CACTIN: variants seen among roughly 807,000 people sequenced by gnomAD.
CACTIN encodes cactin, spliceosome C complex subunit.
A neutral mutation model predicts 84.9 loss-of-function variants in CACTIN; 20 were observed. The observed-to-expected ratio is 0.24, with a 90% CI of 0.17 to 0.34. The LOEUF (loss-of-function observed/expected upper bound fraction) is 0.34, where lower values mean the gene tolerates loss of function less well. CACTIN is among the 10% of genes least tolerant of loss of function. CACTIN has a pLI of 1.00. For synonymous variants in CACTIN, 549 were observed against 467.9 expected, an observed-to-expected ratio of 1.17 and a Z score of -2.24; for missense variants, 897 against 1,117.2, an observed-to-expected ratio of 0.80 and a Z score of 2.81.
intron 2 of CACTIN, among the ~76,000 whole-genome samples, chr19:3,623,391 T>C (rs1234689549): frequency 3.3e-5 from 5 of 151,154 alleles, no homozygotes; most frequent in African/African-American, 1.2e-4. Flanking sequence ...TAGCCGGGCG[T>C]GGTAGCGGGC....
chr19:3,616,620 A>T (rs754274071), intron 6 of CACTIN: 3 of 152,196 alleles, frequency 2.0e-5, no homozygotes, highest in Middle Eastern at 3.4e-3. Flanking sequence ...AAAACAAAAA[A>T]ACTTATTCAT....
At chr19:3,619,446 GCAGA>G (rs2033177544) in intron 4 of CACTIN, among the ~76,000 whole-genome samples, 1 of 152,228 alleles carries the variant, frequency 6.6e-6, no homozygotes, top group Admixed American at 6.5e-5. Context: ...GGCCAGCAGT[GCAGA>G]CAAAGTGCAA....
At chr19:3,625,771 G>T (rs965175274) in intron 1 of CACTIN, among the ~76,000 whole-genome samples, 6 of 152,316 alleles carry the variant, frequency 3.9e-5, no homozygotes, top group African/African-American at 1.4e-4. Context: ...AGTGAACTTG[G>T]CCCAGAGCGG....
In CACTIN at chr19:3,613,583, C is replaced by G; in HGVS notation, c.1359G>C (p.Leu453=). Residue 453 remains leucine, a synonymous_variant, in exon 8 of 10, where the codon CTG becomes CTC. Transcript: ENST00000429344. ...GCAGCACGTCCTGGTGGCGCTCACG[C>G]AGCCTGGGACGCAGAGCCGGGGTCA... ...QLRAHMARAR[L]RERHQDVLRQ... 1 of 1,600,332 alleles carries G rather than the reference C, an allele frequency of 6.2e-7. No homozygotes were observed. Among genetic ancestry groups the G allele is most frequent in the Non-Finnish European group, 8.5e-7 (1 of 1,178,546 alleles).
At chr19:3,625,381 T>A (rs1176786226) in intron 1 of CACTIN, among the ~76,000 whole-genome samples, 1 of 152,212 alleles carries the variant, frequency 6.6e-6, no homozygotes, top group African/African-American at 2.4e-5. Flanking sequence ...GGCAAATTAT[T>A]GTGAATAATT....
At chr19:3,622,949 C>A (rs1366542258) in intron 2 of CACTIN, among the ~76,000 whole-genome samples, 2 of 152,140 alleles carry the variant, frequency 1.3e-5, no homozygotes, top group African/African-American at 2.4e-5. Flanking sequence ...AAGAAAATGA[C>A]GGTGGGCTGG....
chr19:3,612,756 T>G (rs1160972105), intron 9 of CACTIN: 1 of 697,638 alleles, frequency 1.4e-6, no homozygotes, highest in Admixed American at 2.0e-5. Context: ...AGGGGTTTTC[T>G]GAAGCCAGTA....
rs1193714427 is a variant in CACTIN at position 3,610,946 on chromosome 19, C to T, written c.*977G>A. ...GGCCACTCCGACCTGGGCTGTGGCA[C>T]CCGTGTGGCCCTCGGCCCTCCTGGC... On this transcript the variant is annotated 3_prime_UTR_variant, in exon 10 of 10. Coordinates refer to ENST00000429344, the MANE Select transcript of CACTIN (RefSeq NM_001080543.2). 2.2e-6 allele frequency: 1 copy of T among 456,724 alleles called. No individual in the cohort carries two copies. Among genetic ancestry groups the T allele is most frequent in the Middle Eastern group, 3.3e-4 (1 of 3,076 alleles). 28.3% of individuals were successfully genotyped at this position (456,724 alleles called of 1,614,324 possible).
chr19:3,624,088 G>T lies in CACTIN; in HGVS notation c.242C>A (p.Ser81Ter). 1 of 1,597,902 alleles carries T rather than the reference G, an allele frequency of 6.3e-7. No homozygotes were observed. The change falls in exon 2 of 10, where the codon TCA becomes TAA. Residue 81 changes from serine to a stop codon, truncating the protein, a stop_gained. Transcript: ENST00000429344. LOFTEE classifies it high-confidence loss of function. ...GTCCGACTGAGAGGACCCATCTCTT[G>T]AGTGCCACTTGGGCCGCGGGGGGCT... ...SRSPPRPKWH[S>*]RDGSSQSDSG...
chr19:3,612,464 G>A, intron 9 of CACTIN, 51 bp from the exon 10 acceptor site: 1 of 1,527,554 alleles, frequency 6.5e-7, no homozygotes, highest in South Asian at 1.3e-5. Context: ...CTGGGTCCTG[G>A]CCTCCCTCCT....
At position 3,612,378 on chromosome 19, in the gene CACTIN, GGAA is replaced by G. The variant is rs751667810; in HGVS notation, c.1819_1821del (p.Phe607del). On this transcript the variant is annotated inframe_deletion, in exon 10 of 10. Transcript: ENST00000429344. ...TGGCCCATGCCCTCCTTGGCCCGCC[GGAA>G]GAAGATGTCCTCGGCGCTCTCGCTG... is the stretch of plus-strand genomic sequence containing the variant. 1.6e-5 allele frequency: 25 copies of G among 1,604,888 alleles called. No individual in the cohort carries two copies. Among genetic ancestry groups the G allele is most frequent in the Admixed American group, 3.3e-5 (2 of 59,840 alleles).
At chr19:3,613,674 C>T in intron 7 of CACTIN, 88 bp from the exon 8 acceptor site, 1 of 1,505,518 alleles carries the variant, frequency 6.6e-7, no homozygotes, top group Admixed American at 2.0e-5. Flanking sequence ...CTTATTGCTG[C>T]AAGGACCCTG....
At position 3,612,676 on chromosome 19, in the gene CACTIN, G is replaced by A. The variant is rs185109965; in HGVS notation, c.1787-263C>T. The A allele has an allele frequency of 2.4e-3, 1,736 of 711,174 alleles. 16 individuals carry two copies. Among genetic ancestry groups the A allele is most frequent in the African/African-American group, 0.023 (1,302 of 57,340 alleles). 44.1% of individuals were successfully genotyped at this position (711,174 alleles called of 1,614,324 possible). ...AGCGCGCTTCCCCGCCGAGCGACAG[G>A]AGAACCTGGTGGTTAGGGCCTGGCT... is the stretch of plus-strand genomic sequence containing the variant. On this transcript the variant is annotated intron_variant, in intron 9 of 9. Coordinates refer to ENST00000429344, the MANE Select transcript of CACTIN (RefSeq NM_001080543.2).
chr19:3,613,622 G>C (rs770425277), intron 7 of CACTIN, 36 bp from the exon 8 acceptor site: 3 of 1,579,712 alleles, frequency 1.9e-6, no homozygotes, highest in African/African-American at 2.7e-5. Context: ...GCATGGAGGC[G>C]AAGGGGCTCC....
At chr19:3,626,214 A>T (rs28470495) in intron 1 of CACTIN, among the ~76,000 whole-genome samples, 7,950 of 152,176 alleles carry the variant, frequency 0.052, 544 homozygotes, top group African/African-American at 0.16. Flanking sequence ...GCCAGAAAGT[A>T]TGCAGAGTTA....
chr19:3,614,233 T>G (rs2033052986), intron 7 of CACTIN, among the ~76,000 whole-genome samples, 164 bp downstream of exon 7: 2 of 152,060 alleles, frequency 1.3e-5, no homozygotes, highest in African/African-American at 2.4e-5. Context: ...CCGGCCCCCC[T>G]TCGTCACTCA....
In CACTIN at chr19:3,618,928, GTGA is replaced by G. The variant is rs1425480295; in HGVS notation, c.1106_1108del (p.Ile369del). ...GCGGAGCTTGGAGATCTCGTCCTCG[GTGA>G]TGGTGGTCATGTCCCGCCAGAAGTC... On this transcript the variant is annotated inframe_deletion, in exon 6 of 10. Coordinates refer to ENST00000429344, the MANE Select transcript of CACTIN (RefSeq NM_001080543.2). 1 of 1,560,364 alleles carries G rather than the reference GTGA, an allele frequency of 6.4e-7. No homozygotes were observed. The highest frequency in any genetic ancestry group is 8.7e-7 in the Non-Finnish European group (1 of 1,152,112).
At chr19:3,612,981 G>T in intron 9 of CACTIN, 77 bp downstream of exon 9, 1 of 1,487,226 alleles carries the variant, frequency 6.7e-7, no homozygotes, top group Non-Finnish European at 9.0e-7. Flanking sequence ...GGCTTCGGCC[G>T]GGAAATGAGG....
chr19:3,621,113 A>G, intron 2 of CACTIN: 1 of 475,716 alleles, frequency 2.1e-6, no homozygotes, highest in Non-Finnish European at 3.9e-6. Flanking sequence ...GGGCCACCCC[A>G]GCCCCCAACA....
Sources: allele counts gnomAD v4.1 joint callset (sites outside exome capture counted in the v4.1 genomes callset), GRCh38; gene constraint gnomAD v4.1.1; transcripts MANE v1.5; gene names NCBI Gene and HGNC (gene_info 2026-07-23, HGNC 2026-07-21).